Variants in RUNDC3B observed in about 807,000 individuals in gnomAD.
The protein encoded by RUNDC3B is RUN domain-containing protein 3B.
In RUNDC3B, 33 loss-of-function variants were observed where a neutral mutation model predicts 58.4. The observed-to-expected ratio is 0.56, with a 90% CI of 0.43 to 0.75. The LOEUF (loss-of-function observed/expected upper bound fraction) is 0.75. Among genes scored for constraint, RUNDC3B ranks in the 30% least tolerant of loss-of-function variants. The pLI, the probability that RUNDC3B is intolerant of heterozygous loss-of-function variation, is 0.00. For missense variants in RUNDC3B, 501 were observed against 535.7 expected (o/e 0.94, Z 0.64); for synonymous variants, 193 against 195.2 (o/e 0.99, Z 0.10).
At position 87,663,213 on chromosome 7, in the gene RUNDC3B, T is replaced by C. The variant is rs375306786; in HGVS notation, c.238+12276T>C. 4.6e-5 allele frequency among the ~76,000 whole-genome samples: 7 copies of C among 152,268 alleles called. No individual in the cohort carries two copies. In the South Asian group the frequency reaches 8.3e-4, roughly 18 times the overall value. ...AAGGATAATTTGACTTTTTCCTTTT[T>C]AGTTGGATGCCCTTTATTTCTTTCT... On this transcript the variant is annotated intron_variant, in intron 2 of 10. Coordinates refer to ENST00000394654, the MANE Select transcript of RUNDC3B (RefSeq NM_001134405.2).
chr7:87,823,412 A>T (rs1049194723), intron 10 of RUNDC3B, among the ~76,000 whole-genome samples: 1 of 150,908 alleles, frequency 6.6e-6, no homozygotes, highest in Non-Finnish European at 1.5e-5. Flanking sequence ...TTTTATTTTT[A>T]TTTTTTTTAA....
chr7:87,650,957 AT>A lies in RUNDC3B; in HGVS notation c.238+23del. On this transcript the variant is annotated intron_variant, in intron 2 of 10. Coordinates refer to ENST00000394654, the MANE Select transcript of RUNDC3B (RefSeq NM_001134405.2). Reference sequence around the variant, plus strand: ...TAAAAGGTAAAAGCACTAATGTACTATTTATTTTCCCACCAGCTGTCTTTAT... The same window carrying A: ...TAAAAGGTAAAAGCACTAATGTACTATTATTTTCCCACCAGCTGTCTTTAT... 7.3e-7 allele frequency: 1 copy of A among 1,375,978 alleles called. No individual in the cohort carries two copies. The highest frequency in any genetic ancestry group is 1.0e-6 in the Non-Finnish European group (1 of 966,714). The allele number at this position is 1,375,978 out of a possible 1,614,324, so 85.2% of individuals were successfully genotyped here.
At chr7:87,787,743 G>A (rs1835299344) in intron 8 of RUNDC3B, among the ~76,000 whole-genome samples, 1 of 152,112 alleles carries the variant, frequency 6.6e-6, no homozygotes. Flanking sequence ...TATTAATGGT[G>A]TTAAGTATAT....
chr7:87,754,660 T>G (rs748692214), intron 6 of RUNDC3B, among the ~76,000 whole-genome samples: 6 of 151,886 alleles, frequency 4.0e-5, no homozygotes, highest in Non-Finnish European at 8.8e-5. Flanking sequence ...GTTGGTTTTT[T>G]GAAAAAATAA....
At chr7:87,666,761 T>C (rs1473716354) in intron 2 of RUNDC3B, among the ~76,000 whole-genome samples, 1 of 152,166 alleles carries the variant, frequency 6.6e-6, no homozygotes, top group Admixed American at 6.5e-5. Flanking sequence ...TCCCCATTGC[T>C]TGTTTTTGTC....
At chr7:87,688,538 A>G (rs1416273189) in intron 2 of RUNDC3B, among the ~76,000 whole-genome samples, 3 of 151,882 alleles carry the variant, frequency 2.0e-5, no homozygotes, top group Admixed American at 6.6e-5. Flanking sequence ...AAAACTATTT[A>G]TTATGTGGAA....
intron 2 of RUNDC3B, among the ~76,000 whole-genome samples, chr7:87,698,179 A>C (rs1828668737): frequency 6.6e-6 from 1 of 152,168 alleles, no homozygotes; most frequent in African/African-American, 2.4e-5. Context: ...GGCTCACTGC[A>C]AGCTCCACCT....
intron 10 of RUNDC3B, among the ~76,000 whole-genome samples, chr7:87,826,950 C>G (rs1439702542): frequency 2.6e-5 from 4 of 152,048 alleles, no homozygotes; most frequent in East Asian, 1.9e-4. Context: ...AAATACAAAC[C>G]TTCCTAAATA....
chr7:87,671,307 G>A (rs1029761446), intron 2 of RUNDC3B, among the ~76,000 whole-genome samples: 5 of 152,152 alleles, frequency 3.3e-5, no homozygotes, highest in East Asian at 1.9e-4. Flanking sequence ...CCACTGCAGC[G>A]GCAGTCTCAG....
intron 8 of RUNDC3B, among the ~76,000 whole-genome samples, chr7:87,791,241 T>C (rs1194219648): frequency 6.6e-6 from 1 of 152,086 alleles, no homozygotes; most frequent in Non-Finnish European, 1.5e-5. Flanking sequence ...AATGAAAATA[T>C]CCTTCAAACA....
intron 8 of RUNDC3B, among the ~76,000 whole-genome samples, chr7:87,781,561 T>C (rs1834923860): frequency 6.6e-6 from 1 of 152,040 alleles, no homozygotes; most frequent in Non-Finnish European, 1.5e-5. Flanking sequence ...TGTCTTATTC[T>C]ACTTCCCAAG....
intron 8 of RUNDC3B, among the ~76,000 whole-genome samples, chr7:87,804,272 T>C (rs1836320918): frequency 6.6e-6 from 1 of 152,104 alleles, no homozygotes; most frequent in Non-Finnish European, 1.5e-5. Flanking sequence ...ATAAGTAAAC[T>C]TGAGTTTTAA....
intron 8 of RUNDC3B, among the ~76,000 whole-genome samples, chr7:87,797,090 T>C (rs1156773479): frequency 2.0e-5 from 3 of 152,158 alleles, no homozygotes; most frequent in Non-Finnish European, 2.9e-5. Flanking sequence ...TGTATAAAGA[T>C]GTAATTTTGT....
intron 2 of RUNDC3B, among the ~76,000 whole-genome samples, chr7:87,690,050 G>A (rs1487733712): frequency 3.3e-5 from 5 of 151,824 alleles, no homozygotes; most frequent in South Asian, 2.1e-4. Context: ...GTCTGATCTC[G>A]AACCGCTGAG....
chr7:87,757,988 T>C (rs924737149), intron 6 of RUNDC3B, among the ~76,000 whole-genome samples: 8 of 152,186 alleles, frequency 5.3e-5, no homozygotes, highest in African/African-American at 1.9e-4. Context: ...TCTCTCACCA[T>C]ATACAAAAAC....
rs17149905 is a variant in RUNDC3B at position 87,803,459 on chromosome 7, A to C, written c.957-3914A>C. Among the ~76,000 whole-genome samples, 436 of 152,358 alleles carry C rather than the reference A, an allele frequency of 2.9e-3. 6 individuals carry two copies. In the East Asian group the frequency reaches 0.05, roughly 17 times the overall value. ...CTGACACATACGTCAACATAATTAC[A>C]TATAAGAAACAAAATTTTACTTTCA... On this transcript the variant is annotated intron_variant, in intron 8 of 10. Coordinates refer to ENST00000394654, the MANE Select transcript of RUNDC3B (RefSeq NM_001134405.2).
chr7:87,734,576 C>A (rs1236896872), intron 4 of RUNDC3B, among the ~76,000 whole-genome samples: 4 of 152,108 alleles, frequency 2.6e-5, no homozygotes, highest in Non-Finnish European at 5.9e-5. Context: ...CCTATAATTC[C>A]CCTCTACCAA....
rs369342600 is a variant in RUNDC3B at position 87,716,772 on chromosome 7, A to C, written c.458+6117A>C. 2.0e-5 allele frequency among the ~76,000 whole-genome samples: 3 copies of C among 152,180 alleles called. No homozygotes were observed. The South Asian group carries it at 6.2e-4, about 31-fold the overall frequency. Reference sequence around the variant, plus strand: ...TACAGCTGTACATGATTAGTGTAGAAATTTAAAACAAGTAAAATTTTTGGT... The same window carrying C: ...TACAGCTGTACATGATTAGTGTAGACATTTAAAACAAGTAAAATTTTTGGT... On this transcript the variant is annotated intron_variant, in intron 4 of 10. Coordinates refer to ENST00000394654, the MANE Select transcript of RUNDC3B (RefSeq NM_001134405.2).
At chr7:87,713,838 A>G (rs1346722721) in intron 4 of RUNDC3B, among the ~76,000 whole-genome samples, 1 of 152,200 alleles carries the variant, frequency 6.6e-6, no homozygotes, top group Admixed American at 6.6e-5. Flanking sequence ...AAAATGTAAC[A>G]AGAATTTGAA....
Sources: allele counts gnomAD v4.1 joint callset (sites outside exome capture counted in the v4.1 genomes callset), GRCh38; gene constraint gnomAD v4.1.1; transcripts MANE v1.5; gene names NCBI Gene and HGNC (gene_info 2026-07-23, HGNC 2026-07-21).